Variants in OTUD7B observed in about 807,000 individuals in gnomAD.
OTUD7B encodes OTU deubiquitinase 7B.
OTUD7B carries 34 observed loss-of-function variants against 82.2 expected under a neutral mutation model. The observed-to-expected ratio is 0.41, with a 90% CI of 0.31 to 0.55. The LOEUF (loss-of-function observed/expected upper bound fraction) is 0.55, where lower values mean the gene tolerates loss of function less well. Ranked by LOEUF, OTUD7B falls within the 20% of genes least tolerant of loss-of-function variation. The pLI, the probability that OTUD7B is intolerant of heterozygous loss-of-function variation, is 0.20. For synonymous variants in OTUD7B, 398 were observed against 402.7 expected, an observed-to-expected ratio of 0.99 and a Z score of 0.14; for missense variants, 944 against 1,062.1, an observed-to-expected ratio of 0.89 and a Z score of 1.55.
chr1:150,023,893 T>C, the OTUD7B span, among the ~76,000 whole-genome samples: 2 of 152,248 alleles, frequency 1.3e-5, no homozygotes, highest in African/African-American at 4.8e-5. Flanking sequence ...TTTACCCTTA[T>C]AAATATATAA....
chr1:149,945,374 G>A (rs191477498), intron 11 of OTUD7B, among the ~76,000 whole-genome samples: 1 of 152,292 alleles, frequency 6.6e-6, no homozygotes, highest in Admixed American at 6.5e-5. Flanking sequence ...CTGTAATAAG[G>A]AGATAGTAGA....
intron 1 of OTUD7B, among the ~76,000 whole-genome samples, chr1:150,008,026 C>T (rs1652778944): frequency 1.3e-5 from 2 of 152,194 alleles, no homozygotes; most frequent in African/African-American, 4.8e-5. Flanking sequence ...AGCTCCAAAA[C>T]TTTGACAAGT....
In OTUD7B at chr1:149,943,653, G is replaced by A. The variant is rs587609515; in HGVS notation, c.*204C>T. 3.9e-4 allele frequency: 233 copies of A among 604,228 alleles called. No individual in the cohort carries two copies. Among genetic ancestry groups the A allele is most frequent in the African/African-American group, 3.7e-3 (198 of 53,982 alleles). The allele number at this position is 604,228 out of a possible 1,614,324, so 37.4% of individuals were successfully genotyped here. A position where few individuals can be genotyped will look rare whatever the true frequency, so the allele number is the denominator to read the frequency against. On this transcript the variant is annotated 3_prime_UTR_variant, in exon 12 of 12. Transcript: ENST00000581312. ...TCAAGTCAAGCTCTGCAGAGGAATAGTACAGCCCCTGAGGTGCCATCCAGC... is the reference window on the plus strand; with the variant it reads ...TCAAGTCAAGCTCTGCAGAGGAATAATACAGCCCCTGAGGTGCCATCCAGC...
chr1:149,976,843 G>A (rs1366703096), intron 2 of OTUD7B, among the ~76,000 whole-genome samples: 6 of 151,738 alleles, frequency 4.0e-5, no homozygotes, highest in Admixed American at 6.6e-5. Context: ...CTTTTAGGCC[G>A]GGCACAGTGG....
the OTUD7B span, among the ~76,000 whole-genome samples, chr1:150,035,896 G>A: frequency 4.6e-5 from 7 of 150,988 alleles, no homozygotes; most frequent in Non-Finnish European, 8.8e-5. Context: ...TGCTACTTAC[G>A]CATACATTGC....
At position 149,950,210 on chromosome 1, in the gene OTUD7B, G is replaced by C; in HGVS notation, c.857C>G (p.Ser286Cys). 6.2e-7 allele frequency: 1 copy of C among 1,614,056 alleles called. No homozygotes were observed. Among genetic ancestry groups the C allele is most frequent in the Non-Finnish European group, 8.5e-7 (1 of 1,180,006 alleles). The change falls in exon 8 of 12, where the codon TCT (serine) becomes TGT (cysteine). Residue 286 changes from serine to cysteine, a missense_variant. Physicochemically the swap from Ser to Cys is moderately radical, Grantham distance 112 (BLOSUM62 -1). Around this residue, in one of 3 missense-constraint regions of OTUD7B, gnomAD observed 530 missense variants for 625.6 expected, o/e 0.85. Transcript: ENST00000581312. ...NGANCGGVESSEEPVYESLEE... is the reference protein window; with the variant it reads ...NGANCGGVESCEEPVYESLEE... ...AAGGCTCTCATATACAGGCTCCTCA[G>C]AACTCTCCACCCTGGAACGACGGGA...
chr1:149,986,300 TAC>T (rs1651137918), intron 1 of OTUD7B, among the ~76,000 whole-genome samples: 1 of 151,964 alleles, frequency 6.6e-6, no homozygotes, highest in African/African-American at 2.4e-5. Context: ...ATCAGTGTTG[TAC>T]ACAGACAAGT....
intron 4 of OTUD7B, 32 bp downstream of exon 4, chr1:149,967,262 G>A (rs1649579683): frequency 6.8e-7 from 1 of 1,480,434 alleles, no homozygotes; most frequent in Non-Finnish European, 9.4e-7. Flanking sequence ...GAGAGTAGAG[G>A]GAAGAGTGTG....
chr1:149,979,104 G>C (rs1481140433), intron 1 of OTUD7B, among the ~76,000 whole-genome samples: 1 of 151,276 alleles, frequency 6.6e-6, no homozygotes, highest in Non-Finnish European at 1.5e-5. Flanking sequence ...ATGAGCGCAG[G>C]GACACGATTT....
chr1:149,960,393 TTTTC>T (rs1649066291), intron 6 of OTUD7B, among the ~76,000 whole-genome samples: 4 of 2,848 alleles, frequency 1.4e-3, no homozygotes, highest in South Asian at 0.05. Flanking sequence ...TCTTTCCTTT[TTTTC>T]TTTTTTTTTT....
chr1:150,026,270 C>T, the OTUD7B span, among the ~76,000 whole-genome samples: 1 of 152,138 alleles, frequency 6.6e-6, no homozygotes, highest in Admixed American at 6.5e-5. Flanking sequence ...TCTGGGTGGC[C>T]ATTTGCCAGG....
the OTUD7B span, among the ~76,000 whole-genome samples, chr1:150,058,017 G>A: frequency 6.6e-6 from 1 of 152,140 alleles, no homozygotes; most frequent in African/African-American, 2.4e-5. Flanking sequence ...CATTTTAAGG[G>A]GCAAATACTA....
At position 149,944,097 on chromosome 1, in the gene OTUD7B, C is replaced by A; in HGVS notation, c.2292G>T (p.Leu764Phe). Residue 764 changes from leucine (L) to phenylalanine (F), a missense_variant, in exon 12 of 12, where the codon TTG becomes TTT. Coordinates refer to ENST00000581312, the MANE Select transcript of OTUD7B (RefSeq NM_020205.4). ...HSKDGLHRGA[L>F]LPPPYRVADS... ...CAGCCACTCGGTAGGGGGGTGGTAA[C>A]AAGGCACCCCTGTGAAGTCCATCCT... is the stretch of plus-strand genomic sequence containing the variant. 1 of 1,614,056 alleles carries A rather than the reference C, an allele frequency of 6.2e-7. No homozygotes were observed. Among genetic ancestry groups the A allele is most frequent in the South Asian group, 1.1e-5 (1 of 91,088 alleles).
chr1:150,011,035 G>T (rs1298287766), upstream of OTUD7B, among the ~76,000 whole-genome samples: 2 of 152,194 alleles, frequency 1.3e-5, no homozygotes, highest in African/African-American at 4.8e-5. Context: ...GAAAGGGGTG[G>T]AGTAGTTGTA....
chr1:149,977,140 A>T (rs1245022156), intron 2 of OTUD7B, among the ~76,000 whole-genome samples: 1 of 152,172 alleles, frequency 6.6e-6, no homozygotes, highest in East Asian at 1.9e-4. Context: ...TAAATAAAAT[A>T]AAATAAAATA....
the OTUD7B span, among the ~76,000 whole-genome samples, chr1:150,044,181 T>A: frequency 6.9e-6 from 1 of 145,078 alleles, no homozygotes; most frequent in Non-Finnish European, 1.5e-5. Flanking sequence ...TATATTTTTT[T>A]CAAATTTAAG....
At chr1:150,057,304 T>C in the OTUD7B span, among the ~76,000 whole-genome samples, 2 of 152,228 alleles carry the variant, frequency 1.3e-5, no homozygotes, top group Admixed American at 6.5e-5. Context: ...AAGAAGTTAA[T>C]ATTGAAGGAA....
intron 7 of OTUD7B, among the ~76,000 whole-genome samples, chr1:149,954,215 C>T (rs1176278469): frequency 5.3e-5 from 8 of 152,232 alleles, no homozygotes; most frequent in East Asian, 1.9e-4. Flanking sequence ...TTTTGAGATA[C>T]GTCCCATCAA....
the OTUD7B span, among the ~76,000 whole-genome samples, chr1:150,036,854 C>T: frequency 2.0e-5 from 3 of 152,096 alleles, no homozygotes; most frequent in African/African-American, 7.2e-5. Context: ...CACATACACA[C>T]ACACAAAATT....
Sources: gnomAD v4.1 joint callset for allele counts (sites outside exome capture counted in the v4.1 genomes callset) on GRCh38, gnomAD v4.1.1 for gene constraint, gnomAD v4.1.1 regional missense constraint, MANE v1.5 for transcripts, NCBI Gene and HGNC (gene_info 2026-07-23, HGNC 2026-07-21) for gene names.